Variants in NRXN1 observed in about 807,000 individuals in gnomAD.
NRXN1 encodes the protein neurexin-1.
Under a neutral mutation model 150.9 loss-of-function variants are expected in NRXN1, and 39 were observed. The ratio of observed to expected loss-of-function variants is 0.26; its 90% confidence interval spans 0.20 to 0.34. NRXN1 has a LOEUF of 0.34. Ranked by LOEUF, NRXN1 falls within the 10% of genes least tolerant of loss-of-function variation. The probability of loss-of-function intolerance (pLI) is 1.00; values close to 1 mark genes in which losing one functional copy is unlikely to be tolerated. For synonymous variants in NRXN1, 924 were observed against 757.0 expected (o/e 1.22, Z -3.62); for missense variants, 1,815 against 1,949.9 (o/e 0.93, Z 1.30).
At chr2:50,175,481 G>A (rs1239144936) in intron 18 of NRXN1, among the ~76,000 whole-genome samples, 1 of 151,692 alleles carries the variant, frequency 6.6e-6, no homozygotes, top group Admixed American at 6.6e-5. Flanking sequence ...TTCATGAATG[G>A]GTCACTCTTA....
chr2:50,308,035 G>A (rs1332314846), intron 17 of NRXN1, among the ~76,000 whole-genome samples: 2 of 152,166 alleles, frequency 1.3e-5, no homozygotes, highest in African/African-American at 2.4e-5. Flanking sequence ...CTGCAGTCAA[G>A]CAAATTAACA....
intron 21 of NRXN1, among the ~76,000 whole-genome samples, chr2:50,005,266 CA>C (rs889371033): frequency 2.0e-5 from 3 of 152,016 alleles, no homozygotes; most frequent in African/African-American, 7.2e-5. Context: ...TGTTATACAA[CA>C]AAATACTATG....
intron 5 of NRXN1, among the ~76,000 whole-genome samples, chr2:50,805,548 G>A (rs988975330): frequency 1.3e-5 from 2 of 151,954 alleles, no homozygotes; most frequent in Admixed American, 6.6e-5. Flanking sequence ...GCTAAGTCAC[G>A]AGAACTGCTT....
intron 18 of NRXN1, among the ~76,000 whole-genome samples, chr2:50,095,745 A>G (rs926283674): frequency 3.4e-5 from 5 of 146,960 alleles, no homozygotes; most frequent in African/African-American, 1.3e-4. Flanking sequence ...AGCATCCGTG[A>G]TGCTTGGAGA....
At chr2:50,462,891 G>A (rs546074031) in intron 17 of NRXN1, among the ~76,000 whole-genome samples, 165 of 151,862 alleles carry the variant, frequency 1.1e-3, no homozygotes, top group African/African-American at 3.9e-3. Context: ...TTATCAGCGA[G>A]ATGACATTTA....
intron 12 of NRXN1, among the ~76,000 whole-genome samples, chr2:50,508,339 T>C (rs1477148390): frequency 6.6e-6 from 1 of 151,638 alleles, no homozygotes; most frequent in African/African-American, 2.4e-5. Context: ...GATGGCTAAA[T>C]AACTAGAGAA....
intron 17 of NRXN1, among the ~76,000 whole-genome samples, chr2:50,345,812 T>C (rs1030182003): frequency 2.0e-5 from 3 of 152,170 alleles, no homozygotes; most frequent in Non-Finnish European, 4.4e-5. Flanking sequence ...CCTCCGGGCT[T>C]AGCCCAGCCA....
intron 17 of NRXN1, among the ~76,000 whole-genome samples, chr2:50,441,034 T>C (rs987772284): frequency 5.3e-5 from 8 of 152,214 alleles, no homozygotes; most frequent in East Asian, 1.9e-4. Flanking sequence ...TTTTAAGCAA[T>C]TGAAATACAG....
intron 17 of NRXN1, among the ~76,000 whole-genome samples, chr2:50,353,056 G>A (rs1280094846): frequency 6.6e-6 from 1 of 152,008 alleles, no homozygotes; most frequent in Admixed American, 6.6e-5. Context: ...ATGAGCCAAT[G>A]CGGTACTCAA....
chr2:50,289,950 C>T (rs2072707616), intron 17 of NRXN1, among the ~76,000 whole-genome samples: 1 of 152,036 alleles, frequency 6.6e-6, no homozygotes, highest in African/African-American at 2.4e-5. Context: ...CTGAGACAAC[C>T]CAGTTATTGT....
chr2:50,531,873 A>G (rs1474996815), intron 10 of NRXN1, among the ~76,000 whole-genome samples: 1 of 151,934 alleles, frequency 6.6e-6, no homozygotes, highest in African/African-American at 2.4e-5. Flanking sequence ...TGTTTGAGAC[A>G]AGGTCTGTAT....
intron 2 of NRXN1, among the ~76,000 whole-genome samples, chr2:50,939,147 C>A (rs1272898104): frequency 1.5e-5 from 2 of 135,838 alleles, no homozygotes; most frequent in African/African-American, 5.6e-5. Context: ...GGAGGCAGAG[C>A]TTGCAGTGAG....
chr2:50,102,336 A>G (rs918357374), intron 18 of NRXN1, among the ~76,000 whole-genome samples: 7 of 152,076 alleles, frequency 4.6e-5, no homozygotes, highest in African/African-American at 1.7e-4. Flanking sequence ...CAAAACTGAT[A>G]AAATGTGTGT....
intron 17 of NRXN1, among the ~76,000 whole-genome samples, chr2:50,240,314 C>A (rs1574678282): frequency 6.6e-6 from 1 of 151,772 alleles, no homozygotes; most frequent in African/African-American, 2.4e-5. Flanking sequence ...CTTCTGTATG[C>A]ACAGTAGTGC....
At chr2:50,424,186 A>AT (rs1474632480) in intron 17 of NRXN1, among the ~76,000 whole-genome samples, 1 of 51,156 alleles carries the variant, frequency 2.0e-5, no homozygotes, top group Non-Finnish European at 3.4e-5. Context: ...GAGGAGGAAG[A>AT]GGGGGAGGAG....
In NRXN1 at chr2:50,088,121, T is replaced by G. The variant is rs1021158800; in HGVS notation, c.3718+3202A>C. 2.0e-5 allele frequency among the ~76,000 whole-genome samples: 3 copies of G among 152,132 alleles called. 1 individual carries two copies. Among genetic ancestry groups the G allele is most frequent in the African/African-American group, 7.2e-5 (3 of 41,442 alleles). ...CCCCAAAAATTAATAAAAAGAGCCATACCACAAACTGACATAAAATACATA... is the reference window on the plus strand; with the variant it reads ...CCCCAAAAATTAATAAAAAGAGCCAGACCACAAACTGACATAAAATACATA... On this transcript the variant is annotated intron_variant, in intron 19 of 22. Transcript: ENST00000401669.
chr2:50,519,411 T>A (rs2092720164), intron 12 of NRXN1, among the ~76,000 whole-genome samples: 1 of 152,026 alleles, frequency 6.6e-6, no homozygotes, highest in Non-Finnish European at 1.5e-5. Context: ...TTTGAAGTTA[T>A]CTTTGGGCAA....
chr2:50,774,276 A>T (rs1232298243), intron 5 of NRXN1, among the ~76,000 whole-genome samples: 1 of 152,164 alleles, frequency 6.6e-6, no homozygotes, highest in Non-Finnish European at 1.5e-5. Context: ...CAAACTTACT[A>T]AAAAGCCCCA....
At position 51,027,895 on chromosome 2, in the gene NRXN1, T is replaced by C. The variant is rs201246306; in HGVS notation, c.379A>G (p.Thr127Ala). ...GCCTCCACCTGGTCGATGAAGAGCG[T>C]GGTGTTGCGGAACTGGCGGCGGATG... is the stretch of plus-strand genomic sequence containing the variant. Reference protein sequence around the residue: ...VRIRRQFRNTTLFIDQVEAKW... With the variant: ...VRIRRQFRNTALFIDQVEAKW... Residue 127 changes from threonine (T) to alanine (A), a missense_variant, in exon 2 of 23, where the codon ACG becomes GCG. This residue lies in a region of NRXN1 where 554 missense variants were observed against 478.8 expected (regional missense o/e 1.16). Transcript: ENST00000401669. 6 of 1,611,016 alleles carry C rather than the reference T, an allele frequency of 3.7e-6. No individual in the cohort carries two copies. Among genetic ancestry groups the C allele is most frequent in the Non-Finnish European group, 5.1e-6 (6 of 1,179,688 alleles).
Sources: gnomAD v4.1 joint callset for allele counts (sites outside exome capture counted in the v4.1 genomes callset) on GRCh38, gnomAD v4.1.1 for gene constraint, gnomAD v4.1.1 regional missense constraint, MANE v1.5 for transcripts, NCBI Gene and HGNC (gene_info 2026-07-23, HGNC 2026-07-21) for gene names.